Variants in ZNF335 observed in about 807,000 individuals in gnomAD.
ZNF335 encodes NRC-interacting factor 1.
ZNF335 carries 84 observed loss-of-function variants against 145.6 expected under a neutral mutation model. That is an observed-to-expected ratio of 0.58 (90% CI 0.48 to 0.69). The LOEUF (loss-of-function observed/expected upper bound fraction) is 0.69, where lower values mean the gene tolerates loss of function less well. Ranked by LOEUF, ZNF335 falls within the 30% of genes least tolerant of loss-of-function variation. ZNF335 has a pLI of 0.00. For synonymous variants in ZNF335, 761 were observed against 717.0 expected (o/e 1.06, Z -0.98); for missense variants, 1,865 against 1,809.7 (o/e 1.03, Z -0.55).
rs1194179892 is a variant in ZNF335 at position 45,971,373 on chromosome 20, G to A, written c.38C>T (p.Ala13Val). Residue 13 changes from alanine (A) to valine (V), a missense_variant, in exon 2 of 28, where the codon GCC becomes GTC. Physicochemically the swap from Ala to Val is moderately conservative, Grantham distance 64. Coordinates refer to ENST00000322927, the MANE Select transcript of ZNF335 (RefSeq NM_022095.4). The stretch of plus-strand genomic sequence containing the variant: ...CTCCTCGGGCCGGCCAGGCCCAGGG[G>A]CCGCGTCGCTGCTGCTCTCCACCTC... ...ENEVESSSDA[A>V]PGPGRPEEPS... 1.9e-6 allele frequency: 3 copies of A among 1,600,626 alleles called. No homozygotes were observed. Among genetic ancestry groups the A allele is most frequent in the East Asian group, 4.5e-5 (2 of 44,870 alleles).
intron 10 of ZNF335, chr20:45,961,487 CTT>C (rs34569583): frequency 2.2e-4 from 28 of 128,170 alleles, no homozygotes; most frequent in East Asian, 4.5e-4. Context: ...GCCACAGAAC[CTT>C]TTTTTTTTTT....
In ZNF335 at chr20:45,949,218, G is replaced by C. The variant is rs768513660; in HGVS notation, c.3853C>G (p.Leu1285Val). Residue 1285 changes from leucine (L) to valine (V), a missense_variant, in exon 27 of 28, where the codon CTT becomes GTT. Transcript: ENST00000322927. Reference protein sequence around the residue: ...QYVPVSPGQQLVTQAQLEAAA... With the variant: ...QYVPVSPGQQVVTQAQLEAAA... ...GCCTCAAGTTGAGCCTGTGTGACAA[G>C]CTGCTGGCCTGGGGACACAGGCACA... The C allele has an allele frequency of 2.5e-6, 4 of 1,613,942 alleles. No homozygotes were observed. Among genetic ancestry groups the C allele is most frequent in the Non-Finnish European group, 1.7e-6 (2 of 1,180,010 alleles).
Position 45,948,773 on chromosome 20 carries a change from C to A in ZNF335, c.*180G>T. 1.0e-6 allele frequency: 1 copy of A among 959,008 alleles called. No individual in the cohort carries two copies. Among genetic ancestry groups the A allele is most frequent in the Non-Finnish European group, 1.5e-6 (1 of 648,314 alleles). 59.4% of individuals were successfully genotyped at this position (959,008 alleles called of 1,614,324 possible). On this transcript the variant is annotated 3_prime_UTR_variant, in exon 28 of 28. Transcript: ENST00000322927. ...TGCAGGCTGGGGCACCCAGCATGTC[C>A]TGGCTGGGGCCCATGGCTGCCCCTA...
chr20:45,962,810 T>G (rs1401814750), intron 9 of ZNF335, among the ~76,000 whole-genome samples: 2 of 100,778 alleles, frequency 2.0e-5, no homozygotes, highest in Admixed American at 1.7e-4. Flanking sequence ...CGTTTTTTTT[T>G]TTTTGTTTGT....
rs758117397 is a variant in ZNF335, at chr20:45,969,642, T to C, written c.251A>G (p.Tyr84Cys). ...SSSADPLPNS[Y>C]LPDSSSVSHG... ...AGACACAGACGATGAATCAGGGAGGTAGCTATTAGGCAGGGGGTCTGCGCT... is the reference window on the plus strand; with the variant it reads ...AGACACAGACGATGAATCAGGGAGGCAGCTATTAGGCAGGGGGTCTGCGCT... Residue 84 changes from tyrosine to cysteine, a missense_variant, in exon 3 of 28, where the codon TAC (tyrosine) becomes TGC (cysteine). By Grantham distance (194) the Tyr-to-Cys change is radical (BLOSUM62 -2). Transcript: ENST00000322927. The C allele has an allele frequency of 3.1e-6, 5 of 1,611,374 alleles. No homozygotes were observed. Among genetic ancestry groups the C allele is most frequent in the South Asian group, 2.2e-5 (2 of 90,946 alleles).
At chr20:45,968,259 C>G in intron 4 of ZNF335, 26 bp downstream of exon 4, 2 of 1,608,988 alleles carry the variant, frequency 1.2e-6, no homozygotes. Flanking sequence ...TGCAGGCCTC[C>G]CCGATTCTGG....
At chr20:45,957,041 A>G (rs2145375416) in intron 17 of ZNF335, among the ~76,000 whole-genome samples, 1 of 152,320 alleles carries the variant, frequency 6.6e-6, no homozygotes, top group African/African-American at 2.4e-5. Flanking sequence ...AGGAGGGGCT[A>G]ATAAACTTCC....
chr20:45,948,835 A>AGGAT lies in ZNF335; in HGVS notation c.*114_*117dup. On this transcript the variant is annotated 3_prime_UTR_variant, in exon 28 of 28. Transcript: ENST00000322927. ...ACAGGTCTGGCTCCCTGGGAATGAG[A>AGGAT]GGATGCTGGCTATCCAGTATCTGGA... 1 of 1,503,892 alleles carries AGGAT rather than the reference A, an allele frequency of 6.6e-7. No homozygotes were observed. Among genetic ancestry groups the AGGAT allele is most frequent in the African/African-American group, 1.4e-5 (1 of 73,210 alleles). The allele number at this position is 1,503,892 out of a possible 1,614,324, so 93.2% of individuals were successfully genotyped here. A position where few individuals can be genotyped will look rare whatever the true frequency, so the allele number is the denominator to read the frequency against.
chr20:45,963,718 C>T lies in ZNF335; in HGVS notation c.1355+20G>A. On this transcript the variant is annotated intron_variant, in intron 8 of 27. Coordinates refer to ENST00000322927, the MANE Select transcript of ZNF335 (RefSeq NM_022095.4). ...GGCTTAACCACATGCATGCCCCACC[C>T]TCACCTCTGCTCCACATACTTGCGG... is the stretch of plus-strand genomic sequence containing the variant. 6.2e-7 allele frequency: 1 copy of T among 1,614,124 alleles called. No homozygotes were observed. Among genetic ancestry groups the T allele is most frequent in the Non-Finnish European group, 8.5e-7 (1 of 1,179,960 alleles).
At chr20:45,960,123 A>G (rs2083808878) in intron 14 of ZNF335, 85 bp downstream of exon 14, 1 of 1,475,678 alleles carries the variant, frequency 6.8e-7, no homozygotes, top group East Asian at 2.4e-5. Flanking sequence ...CCGAGGGGGA[A>G]GGAAGAGGAT....
intron 2 of ZNF335, among the ~76,000 whole-genome samples, chr20:45,970,411 G>A (rs939132443): frequency 9.9e-5 from 15 of 152,234 alleles, no homozygotes; most frequent in African/African-American, 3.6e-4. Flanking sequence ...CTTACTGAGT[G>A]CTTACAATGT....
chr20:45,961,980 C>T lies in ZNF335; in HGVS notation c.1646+90G>A, dbSNP rs111813493. On this transcript the variant is annotated intron_variant, in intron 10 of 27. Coordinates refer to ENST00000322927, the MANE Select transcript of ZNF335 (RefSeq NM_022095.4). ...ATGGGGCTGGCTCAGAGCAGGAGCA[C>T]GGTAAGTGGGAACCATGGTTATCCC... The T allele has an allele frequency of 3.4e-3, 3,776 of 1,114,310 alleles. 10 individuals are homozygous for T. Among genetic ancestry groups the T allele is most frequent in the Non-Finnish European group, 3.9e-3 (2,982 of 759,174 alleles). The allele number at this position is 1,114,310 out of a possible 1,614,324, so 69.0% of individuals were successfully genotyped here.
At position 45,959,295 on chromosome 20, in the gene ZNF335, C is replaced by T. The variant is rs778575896; in HGVS notation, c.2159G>A (p.Arg720His). ...CTGCTGCAGAGAGAAGAAGGGGCGA[C>T]GGCGGGAGGGGGGCTCCTCAGGGTG... ...RRHPEEPPSR[R>H]RPFFSLQQIE... The change falls in exon 15 of 28, where the codon CGT (arginine) becomes CAT (histidine). Residue 720 changes from arginine to histidine, a missense_variant. Arg to His is a conservative substitution (Grantham distance 29). Transcript: ENST00000322927. The T allele has an allele frequency of 1.3e-5, 21 of 1,560,356 alleles. No homozygotes were observed. The highest frequency in any genetic ancestry group is 7.1e-5 in the South Asian group (6 of 85,034).
intron 17 of ZNF335, 38 bp downstream of exon 17, chr20:45,957,548 G>T: frequency 6.3e-7 from 1 of 1,592,722 alleles, no homozygotes; most frequent in South Asian, 1.1e-5. Flanking sequence ...GGGTACCTGC[G>T]GTAGCTGGGA....
In ZNF335 at chr20:45,949,095, G is replaced by GAAAGT; in HGVS notation, c.3902-20_3902-16dup. The GAAAGT allele has an allele frequency of 1.9e-6, 3 of 1,613,696 alleles. No individual in the cohort carries two copies. Among genetic ancestry groups the GAAAGT allele is most frequent in the Non-Finnish European group, 2.5e-6 (3 of 1,179,996 alleles). Reference sequence around the variant, plus strand: ...ATCAGCCACTGCTGCCAGGGGAGGGGAAAGTATGGTGAGCTGGAGGCTCAA... The same window carrying GAAAGT: ...ATCAGCCACTGCTGCCAGGGGAGGGGAAAGTAAAGTATGGTGAGCTGGAGGCTCAA... On this transcript the variant is annotated splice_polypyrimidine_tract_variant and intron_variant, in intron 27 of 27. Transcript: ENST00000322927.
Position 45,952,442 on chromosome 20 carries a change from C to T in ZNF335, c.2894G>A (p.Gly965Glu). 1 of 1,568,696 alleles carries T rather than the reference C, an allele frequency of 6.4e-7. No individual in the cohort carries two copies. Among genetic ancestry groups the T allele is most frequent in the Non-Finnish European group, 8.7e-7 (1 of 1,154,360 alleles). The change falls in exon 20 of 28, where the codon GGG (glycine) becomes GAG (glutamate). Residue 965 changes from glycine to glutamate, a missense_variant. Coordinates refer to ENST00000322927, the MANE Select transcript of ZNF335 (RefSeq NM_022095.4). ...CTCAGGGCCGTCTCTGGGCAGTCCC[C>T]CACACTGCAGCAGGGGCCATTTGGC... The part of the protein sequence containing the change: ...SGAKWPLLQC[G>E]GLPRDGPEPP...
chr20:45,960,149 G>A, intron 14 of ZNF335, 59 bp downstream of exon 14: 4 of 1,590,896 alleles, frequency 2.5e-6, no homozygotes, highest in Non-Finnish European at 3.4e-6. Context: ...CTAAGCCTCT[G>A]ATCAGGGGTA....
rs1600514455 is a variant in ZNF335, at chr20:45,948,770, G to C, written c.*183C>G. The C allele has an allele frequency of 2.2e-6, 2 of 914,076 alleles. No individual in the cohort carries two copies. Among genetic ancestry groups the C allele is most frequent in the African/African-American group, 1.6e-5 (1 of 60,634 alleles). The allele number at this position is 914,076 out of a possible 1,614,324, so 56.6% of individuals were successfully genotyped here. On this transcript the variant is annotated 3_prime_UTR_variant, in exon 28 of 28. Coordinates refer to ENST00000322927, the MANE Select transcript of ZNF335 (RefSeq NM_022095.4). Reference sequence around the variant, plus strand: ...GCCTGCAGGCTGGGGCACCCAGCATGTCCTGGCTGGGGCCCATGGCTGCCC... The same window carrying C: ...GCCTGCAGGCTGGGGCACCCAGCATCTCCTGGCTGGGGCCCATGGCTGCCC...
chr20:45,965,429 TGA>T (rs1263115104), intron 7 of ZNF335, among the ~76,000 whole-genome samples, 197 bp downstream of exon 7: 3 of 152,140 alleles, frequency 2.0e-5, no homozygotes, highest in Non-Finnish European at 4.4e-5. Context: ...TCCATAAAGC[TGA>T]GAGAGTTTCC....
Sources: gnomAD v4.1 joint callset for allele counts (sites outside exome capture counted in the v4.1 genomes callset) on GRCh38, gnomAD v4.1.1 for gene constraint, MANE v1.5 for transcripts, NCBI Gene and HGNC (gene_info 2026-07-23, HGNC 2026-07-21) for gene names.